The following SOX5 variants were observed in gnomAD, a reference collection of about 807,000 sequenced individuals.
The protein encoded by SOX5 is transcription factor SOX-5.
SOX5 carries 9 observed loss-of-function variants against 92.0 expected under a neutral mutation model. The observed-to-expected ratio is 0.10, with a 90% CI of 0.06 to 0.17. The LOEUF is 0.17. SOX5 is among the 10% of genes least tolerant of loss of function. The probability of loss-of-function intolerance (pLI) is 1.00; values close to 1 mark genes in which losing one functional copy is unlikely to be tolerated. For missense variants in SOX5, 642 were observed against 944.5 expected (o/e 0.68, Z 4.20); for synonymous variants, 344 against 336.3 (o/e 1.02, Z -0.25).
intron 4 of SOX5, among the ~76,000 whole-genome samples, chr12:24,154,057 C>T (rs1211689325): frequency 1.3e-5 from 2 of 152,120 alleles, no homozygotes; most frequent in African/African-American, 4.8e-5. Context: ...AGCACCACCT[C>T]CAATGTAATG....
At chr12:24,022,937 G>A (rs944840694) in intron 4 of SOX5, among the ~76,000 whole-genome samples, 2 of 151,014 alleles carry the variant, frequency 1.3e-5, no homozygotes, top group Non-Finnish European at 2.9e-5. Context: ...AAAAAAACTG[G>A]CATGCTTTCC....
intron 1 of SOX5, among the ~76,000 whole-genome samples, chr12:23,940,950 A>AT (rs1569153714): frequency 6.6e-6 from 1 of 151,270 alleles, no homozygotes; most frequent in Non-Finnish European, 1.5e-5. Context: ...ACCACCTTCA[A>AT]TTTTTTCAAG....
At chr12:24,287,880 C>A (rs1008644660) in intron 2 of SOX5, among the ~76,000 whole-genome samples, 1 of 152,028 alleles carries the variant, frequency 6.6e-6, no homozygotes, top group Non-Finnish European at 1.5e-5. Context: ...AGGAAACAGG[C>A]AAGAACCCAA....
At chr12:24,529,696 C>T (rs527580085) in intron 1 of SOX5, among the ~76,000 whole-genome samples, 2 of 152,164 alleles carry the variant, frequency 1.3e-5, no homozygotes, top group East Asian at 1.9e-4. Flanking sequence ...CAAGAGTTAT[C>T]GCTTGCAGAG....
At chr12:23,886,193 T>C (rs1438247529) in intron 2 of SOX5, among the ~76,000 whole-genome samples, 1 of 152,174 alleles carries the variant, frequency 6.6e-6, no homozygotes, top group Non-Finnish European at 1.5e-5. Flanking sequence ...AAAGCCCAAG[T>C]GTTTGTCCTT....
intron 1 of SOX5, among the ~76,000 whole-genome samples, chr12:24,416,319 T>C (rs1290406726): frequency 6.6e-6 from 1 of 152,220 alleles, no homozygotes; most frequent in African/African-American, 2.4e-5. Flanking sequence ...GACTAGCCCA[T>C]GTAACATACC....
intron 2 of SOX5, among the ~76,000 whole-genome samples, chr12:24,363,255 G>A (rs1266083720): frequency 6.6e-6 from 1 of 152,074 alleles, no homozygotes; most frequent in African/African-American, 2.4e-5. Flanking sequence ...AAAAAAATTA[G>A]TAATAATTTA....
chr12:23,555,088 A>G (rs11046973), intron 11 of SOX5, among the ~76,000 whole-genome samples: 30,683 of 152,110 alleles, frequency 0.2, 3,670 homozygotes, highest in East Asian at 0.48. Flanking sequence ...ATGTGGAAAT[A>G]CATTTGAAAA....
intron 3 of SOX5, among the ~76,000 whole-genome samples, chr12:23,838,107 T>C (rs1050955848): frequency 1.4e-5 from 2 of 139,824 alleles, no homozygotes; most frequent in Non-Finnish European, 3.0e-5. Flanking sequence ...TTATATACTA[T>C]ATATTTATAT....
intron 1 of SOX5, among the ~76,000 whole-genome samples, chr12:23,947,668 T>G (rs1470755621): frequency 6.6e-6 from 1 of 151,584 alleles, no homozygotes; most frequent in Non-Finnish European, 1.5e-5. Context: ...CTTGCTTATT[T>G]AATTAGCTAG....
chr12:24,383,151 C>T (rs1958005031), intron 1 of SOX5, among the ~76,000 whole-genome samples: 1 of 152,188 alleles, frequency 6.6e-6, no homozygotes, highest in African/African-American at 2.4e-5. Flanking sequence ...CTCCTGGGTT[C>T]AAGCTATCCT....
intron 1 of SOX5, among the ~76,000 whole-genome samples, chr12:23,919,378 C>G (rs1251861468): frequency 6.6e-6 from 1 of 152,116 alleles, no homozygotes; most frequent in South Asian, 2.1e-4. Flanking sequence ...AGTTTGTGAC[C>G]TTTGGTTTAA....
intron 6 of SOX5, among the ~76,000 whole-genome samples, chr12:23,718,168 A>G (rs1262135494): frequency 6.6e-6 from 1 of 152,234 alleles, no homozygotes; most frequent in East Asian, 1.9e-4. Context: ...AGAAAAGAAC[A>G]TCAAAGTTTA....
At chr12:24,207,594 C>T (rs1958150518) in intron 4 of SOX5, among the ~76,000 whole-genome samples, 1 of 152,186 alleles carries the variant, frequency 6.6e-6, no homozygotes, top group African/African-American at 2.4e-5. Flanking sequence ...CAGGAGGGCC[C>T]TGGGCAGATA....
At chr12:23,616,290 C>T (rs2076546095) in intron 8 of SOX5, among the ~76,000 whole-genome samples, 1 of 152,190 alleles carries the variant, frequency 6.6e-6, no homozygotes, top group Non-Finnish European at 1.5e-5. Flanking sequence ...GGAAAGAATT[C>T]TCCGCTAACC....
intron 2 of SOX5, 81 bp downstream of exon 2, chr12:23,895,712 G>A: frequency 1.1e-6 from 1 of 909,240 alleles, no homozygotes. Flanking sequence ...TAATTATAAA[G>A]CAAAGGACTG....
At chr12:24,154,278 T>C (rs1297834819) in intron 4 of SOX5, among the ~76,000 whole-genome samples, 1 of 152,170 alleles carries the variant, frequency 6.6e-6, no homozygotes, top group Non-Finnish European at 1.5e-5. Context: ...GGCCACTCAC[T>C]TGACTTTAGT....
At chr12:24,323,694 A>C (rs1018171097) in intron 2 of SOX5, among the ~76,000 whole-genome samples, 3 of 152,124 alleles carry the variant, frequency 2.0e-5, no homozygotes, top group African/African-American at 7.2e-5. Context: ...CAGCTTCCTG[A>C]AATATTGAAT....
chr12:24,030,244 T>C (rs1446767887), intron 4 of SOX5, among the ~76,000 whole-genome samples: 1 of 151,868 alleles, frequency 6.6e-6, no homozygotes, highest in Non-Finnish European at 1.5e-5. Flanking sequence ...GCCAAATAAA[T>C]CTACAGCAAA....
Sources: allele counts gnomAD v4.1 joint callset (sites outside exome capture counted in the v4.1 genomes callset), GRCh38; gene constraint gnomAD v4.1.1; transcripts MANE v1.5; gene names NCBI Gene and HGNC (gene_info 2026-07-23, HGNC 2026-07-21).